Variants in CCDC7 observed in about 807,000 individuals in gnomAD.
The protein encoded by CCDC7 is coiled-coil domain-containing protein 7.
Under a neutral mutation model 196.9 loss-of-function variants are expected in CCDC7, and 183 were observed. The observed-to-expected ratio is 0.93, with a 90% CI of 0.82 to 1.05. The LOEUF is 1.05. Among genes scored for constraint, CCDC7 ranks in the 50% least tolerant of loss-of-function variants. The pLI is 0.00. For synonymous variants in CCDC7, 525 were observed against 484.6 expected (o/e 1.08, Z -1.10); for missense variants, 1,540 against 1,482.2 (o/e 1.04, Z -0.64).
At chr10:32,553,512 G>T (rs1255724890) in intron 13 of CCDC7, among the ~76,000 whole-genome samples, 3 of 152,208 alleles carry the variant, frequency 2.0e-5, no homozygotes, top group Non-Finnish European at 2.9e-5. Context: ...TATTTCCAGG[G>T]TTGGTTTTCT....
intron 24 of CCDC7, among the ~76,000 whole-genome samples, chr10:32,707,379 A>T (rs565013904): frequency 6.6e-6 from 1 of 152,292 alleles, no homozygotes; most frequent in South Asian, 2.1e-4. Context: ...GAGTGGGCAA[A>T]AACTGGAAGC....
At chr10:32,776,186 A>C (rs914674985) in intron 28 of CCDC7, among the ~76,000 whole-genome samples, 4 of 149,544 alleles carry the variant, frequency 2.7e-5, no homozygotes, top group Non-Finnish European at 3.0e-5. Flanking sequence ...ATGCTAGATG[A>C]CGAGTTAGTG....
chr10:32,644,298 C>T (rs1216007246), intron 20 of CCDC7, among the ~76,000 whole-genome samples: 1 of 152,146 alleles, frequency 6.6e-6, no homozygotes, highest in Admixed American at 6.5e-5. Context: ...AAAACTTCTT[C>T]TTCATGTCTA....
intron 3 of CCDC7, among the ~76,000 whole-genome samples, chr10:32,456,826 A>G (rs1237528178): frequency 6.6e-6 from 1 of 152,116 alleles, no homozygotes; most frequent in African/African-American, 2.4e-5. Context: ...TTTTTCATAT[A>G]ATAGAATACA....
chr10:32,783,920 C>T (rs76440076), intron 29 of CCDC7, among the ~76,000 whole-genome samples: 4,269 of 152,152 alleles, frequency 0.028, 215 homozygotes, highest in African/African-American at 0.097. Flanking sequence ...TCTTATTGTA[C>T]CACTTATATG....
intron 32 of CCDC7, among the ~76,000 whole-genome samples, chr10:32,830,498 T>C (rs1228233837): frequency 2.0e-5 from 3 of 152,002 alleles, no homozygotes; most frequent in Non-Finnish European, 4.4e-5. Flanking sequence ...ATAATTCTTA[T>C]AAATATTTAA....
At chr10:32,646,118 T>C (rs985260837) in intron 20 of CCDC7, among the ~76,000 whole-genome samples, 1 of 151,720 alleles carries the variant, frequency 6.6e-6, no homozygotes, top group Non-Finnish European at 1.5e-5. Flanking sequence ...TAATGTTAGG[T>C]TGTTTATTTG....
In CCDC7 at chr10:32,543,724, T is replaced by C. The variant is rs543608600; in HGVS notation, c.1079+339T>C. Reference sequence around the variant, plus strand: ...TTTGTAATTTGTTAACTCCACAGTGTTGGCTGTTCTTTTCTACTGTACTTA... The same window carrying C: ...TTTGTAATTTGTTAACTCCACAGTGCTGGCTGTTCTTTTCTACTGTACTTA... On this transcript the variant is annotated intron_variant, in intron 12 of 41. Transcript: ENST00000639629. Among the ~76,000 whole-genome samples the C allele has an allele frequency of 2.6e-5, 4 of 152,242 alleles. No homozygotes were observed. In the South Asian group the frequency reaches 8.3e-4, roughly 31 times the overall value.
intron 18 of CCDC7, among the ~76,000 whole-genome samples, chr10:32,614,317 C>T (rs1174505559): frequency 1.3e-5 from 2 of 150,186 alleles, no homozygotes; most frequent in Non-Finnish European, 3.0e-5. Flanking sequence ...TTTTAGCCTA[C>T]GTGTGTCTTT....
At chr10:32,687,915 C>G (rs576685525) in intron 22 of CCDC7, among the ~76,000 whole-genome samples, 33 of 152,196 alleles carry the variant, frequency 2.2e-4, no homozygotes, top group East Asian at 1.2e-3. Flanking sequence ...CCAGAAGATC[C>G]TTAGTGGGGA....
intron 11 of CCDC7, among the ~76,000 whole-genome samples, chr10:32,533,795 T>C (rs931911139): frequency 2.0e-5 from 3 of 152,124 alleles, no homozygotes; most frequent in African/African-American, 7.2e-5. Flanking sequence ...TTTAATATGT[T>C]ATTTGCTTCT....
At chr10:32,813,309 G>A (rs893117230) in intron 30 of CCDC7, among the ~76,000 whole-genome samples, 1 of 151,972 alleles carries the variant, frequency 6.6e-6, no homozygotes, top group African/African-American at 2.4e-5. Flanking sequence ...ATTGAACTTA[G>A]TAGTTTCTAA....
intron 21 of CCDC7, among the ~76,000 whole-genome samples, chr10:32,676,301 T>C (rs1257778393): frequency 6.6e-6 from 1 of 151,544 alleles, no homozygotes; most frequent in Non-Finnish European, 1.5e-5. Flanking sequence ...ATTCAGGACA[T>C]AGGCATGGGC....
chr10:32,672,034 A>C (rs2074159465), intron 21 of CCDC7, among the ~76,000 whole-genome samples: 1 of 152,106 alleles, frequency 6.6e-6, no homozygotes, highest in Non-Finnish European at 1.5e-5. Context: ...GCTTGCTTGC[A>C]TTGGTAGTGG....
chr10:32,545,472 T>G (rs1008535488), intron 13 of CCDC7, among the ~76,000 whole-genome samples: 3 of 152,162 alleles, frequency 2.0e-5, no homozygotes, highest in Non-Finnish European at 2.9e-5. Flanking sequence ...TCTCAATGAG[T>G]GTTACATGGT....
At chr10:32,790,504 A>AC (rs879927949) in intron 29 of CCDC7, among the ~76,000 whole-genome samples, 8 of 152,152 alleles carry the variant, frequency 5.3e-5, no homozygotes, top group African/African-American at 1.4e-4. Flanking sequence ...TGGCTGCTGT[A>AC]CTCAGCCTTG....
chr10:32,536,208 A>T (rs572187516), intron 11 of CCDC7, among the ~76,000 whole-genome samples: 1 of 152,202 alleles, frequency 6.6e-6, no homozygotes, highest in East Asian at 1.9e-4. Context: ...GGAAGCAGAG[A>T]GGGTGGTTGC....
intron 29 of CCDC7, among the ~76,000 whole-genome samples, chr10:32,796,198 C>G (rs1410491280): frequency 6.6e-6 from 1 of 151,986 alleles, no homozygotes; most frequent in Non-Finnish European, 1.5e-5. Flanking sequence ...TAAAAATTGT[C>G]TCATTCTCAT....
intron 32 of CCDC7, among the ~76,000 whole-genome samples, chr10:32,831,379 A>T (rs749307187): frequency 1.3e-5 from 2 of 152,164 alleles, no homozygotes; most frequent in Non-Finnish European, 2.9e-5. Flanking sequence ...ACTTTATAAA[A>T]CACTGTATGT....
Sources: allele counts gnomAD v4.1 joint callset (sites outside exome capture counted in the v4.1 genomes callset), GRCh38; gene constraint gnomAD v4.1.1; transcripts MANE v1.5; gene names NCBI Gene and HGNC (gene_info 2026-07-23, HGNC 2026-07-21).